The following TBX21 variants were observed in gnomAD, a reference collection of about 807,000 sequenced individuals.
The protein encoded by TBX21 is T-box transcription factor TBX21.
TBX21 carries 11 observed loss-of-function variants against 52.2 expected under a neutral mutation model. The observed-to-expected ratio is 0.21, with a 90% CI of 0.13 to 0.35. TBX21 has a LOEUF of 0.35. TBX21 is among the 10% of genes least tolerant of loss of function. The pLI is 1.00. For synonymous variants in TBX21, 300 were observed against 316.1 expected (o/e 0.95, Z 0.54); for missense variants, 625 against 755.1 (o/e 0.83, Z 2.02).
intron 1 of TBX21, among the ~76,000 whole-genome samples, chr17:47,738,163 AT>A (rs1182065725): frequency 6.6e-6 from 1 of 151,708 alleles, no homozygotes; most frequent in Non-Finnish European, 1.5e-5. Flanking sequence ...TTAATTAAAA[AT>A]TTTTTTTAAA....
intron 1 of TBX21, among the ~76,000 whole-genome samples, chr17:47,734,856 T>C (rs1388964702): frequency 6.6e-6 from 1 of 151,912 alleles, no homozygotes; most frequent in Non-Finnish European, 1.5e-5. Flanking sequence ...GCTTCATGGC[T>C]CAGGGTTCCT....
chr17:47,734,086 G>C (rs1325273551), intron 1 of TBX21, 141 bp downstream of exon 1: 4 of 1,414,462 alleles, frequency 2.8e-6, no homozygotes, highest in Non-Finnish European at 3.9e-6. Context: ...AGGGGAATGG[G>C]GTTGTTAGGA....
At position 47,738,537 on chromosome 17, in the gene TBX21, C is replaced by T. The variant is rs575308939; in HGVS notation, c.492-4073C>T. Among the ~76,000 whole-genome samples, 4 of 152,222 alleles carry T rather than the reference C, an allele frequency of 2.6e-5. No individual in the cohort carries two copies. The East Asian group carries it at 5.8e-4, about 22-fold the overall frequency. ...CCTCCCAAAAGGTGCTACCAATTTA[C>T]GCCCACACCAATAGTCTATGAGAGG... is the stretch of plus-strand genomic sequence containing the variant. On this transcript the variant is annotated intron_variant, in intron 1 of 5. Transcript: ENST00000177694.
At position 47,745,418 on chromosome 17, in the gene TBX21, C is replaced by A. The variant is rs1233224536; in HGVS notation, c.*52C>A. On this transcript the variant is annotated 3_prime_UTR_variant, in exon 6 of 6. Transcript: ENST00000177694. ...AACAGTGTTATTAGGTTGGAGGACA[C>A]CGACTAATTTGGGAAACGGATGAAG... 4.6e-6 allele frequency: 7 copies of A among 1,525,382 alleles called. No homozygotes were observed. The highest frequency in any genetic ancestry group is 1.8e-4 in the Middle Eastern group (1 of 5,656). The allele number at this position is 1,525,382 out of a possible 1,614,324, so 94.5% of individuals were successfully genotyped here.
chr17:47,733,560 T>C lies in TBX21; in HGVS notation c.106T>C (p.Phe36Leu). Residue 36 changes from phenylalanine (F) to leucine (L), a missense_variant, in exon 1 of 6, where the codon TTC becomes CTC. This residue lies in a region of TBX21 where 221 missense variants were observed against 204.9 expected (regional missense o/e 1.08). Coordinates refer to ENST00000177694, the MANE Select transcript of TBX21 (RefSeq NM_013351.2). The surrounding 1 kb of genome is among the most constrained non-coding windows in gnomAD (Gnocchi z 6.6). ...TGGCGCCGACCCGCAGCACCGCTAC[T>C]TCTACCCGGAGCCGGGCGCGCAGGA... The part of the protein sequence containing the change: ...APGADPQHRY[F>L]YPEPGAQDAD... 1.4e-6 allele frequency: 2 copies of C among 1,480,670 alleles called. No individual in the cohort carries two copies. Among genetic ancestry groups the C allele is most frequent in the Admixed American group, 2.4e-5 (1 of 41,838 alleles). The allele number at this position is 1,480,670 out of a possible 1,614,324, so 91.7% of individuals were successfully genotyped here.
rs750169915 is a variant in TBX21 at position 47,742,503 on chromosome 17, G to A, written c.492-107G>A. ...CCTTCCAGCTGGTTCTTGTGAGTGGGAGGAAGCCGGCTACAGCACACCACT... is the reference window on the plus strand; with the variant it reads ...CCTTCCAGCTGGTTCTTGTGAGTGGAAGGAAGCCGGCTACAGCACACCACT... On this transcript the variant is annotated intron_variant, in intron 1 of 5. Transcript: ENST00000177694. The surrounding 1 kb of genome is among the most constrained non-coding windows in gnomAD (Gnocchi z 4.4). 25 of 1,352,528 alleles carry A rather than the reference G, an allele frequency of 1.8e-5. No homozygotes were observed. Among genetic ancestry groups the A allele is most frequent in the Non-Finnish European group, 2.4e-5 (24 of 1,016,820 alleles). 83.8% of individuals were successfully genotyped at this position (1,352,528 alleles called of 1,614,324 possible). A position where few individuals can be genotyped will look rare whatever the true frequency, so the allele number is the denominator to read the frequency against.
intron 3 of TBX21, 56 bp from the exon 4 acceptor site, chr17:47,744,139 T>G: frequency 6.3e-7 from 1 of 1,588,920 alleles, no homozygotes; most frequent in East Asian, 2.2e-5. Flanking sequence ...GTGGGGGTGA[T>G]GGGATCCTCG....
At position 47,744,555 on chromosome 17, in the gene TBX21, T is replaced by C; in HGVS notation, c.989+12T>C. On this transcript the variant is annotated intron_variant, in intron 5 of 5. Coordinates refer to ENST00000177694, the MANE Select transcript of TBX21 (RefSeq NM_013351.2). The stretch of plus-strand genomic sequence containing the variant: ...GAGAACTTTGAGTCGTAAGTGCCAC[T>C]GGGTTCAACTCAGCTTTGGTCCCTC... 6.2e-7 allele frequency: 1 copy of C among 1,614,188 alleles called. No individual in the cohort carries two copies. Among genetic ancestry groups the C allele is most frequent in the Non-Finnish European group, 8.5e-7 (1 of 1,180,016 alleles).
intron 1 of TBX21, among the ~76,000 whole-genome samples, chr17:47,738,947 A>G (rs1333398517): frequency 6.6e-6 from 1 of 152,184 alleles, no homozygotes; most frequent in Admixed American, 6.5e-5. Flanking sequence ...GAGAAGAACT[A>G]TCTATCTCCT....
chr17:47,743,147 A>G lies in TBX21; in HGVS notation c.723A>G (p.Lys241=), dbSNP rs2032285855. ...TGCGCCAGGAAGTTTCATTTGGGAA[A>G]CTAAAGCTCACAAACAACAAGGGGG... ...HWMRQEVSFG[K]LKLTNNKGAS... The change falls in exon 3 of 6, where the codon AAA becomes AAG. Residue 241 remains lysine (K), a synonymous_variant. Transcript: ENST00000177694. 1.9e-6 allele frequency: 3 copies of G among 1,614,148 alleles called. No homozygotes were observed. In the East Asian group the frequency reaches 6.7e-5, roughly 36 times the overall value.
chr17:47,745,587 C>G lies in TBX21; in HGVS notation c.*221C>G, dbSNP rs2032325188. The G allele has an allele frequency of 1.8e-6, 1 of 541,412 alleles. No individual in the cohort carries two copies. Among genetic ancestry groups the G allele is most frequent in the Admixed American group, 3.7e-5 (1 of 26,940 alleles). The allele number at this position is 541,412 out of a possible 1,614,324, so 33.5% of individuals were successfully genotyped here. A position where few individuals can be genotyped will look rare whatever the true frequency, so the allele number is the denominator to read the frequency against. ...GAGGGGTGTCCCCTTGCCCCATCCT[C>G]TGCCCTAACTACAGTCGTTTACCTG... On this transcript the variant is annotated 3_prime_UTR_variant, in exon 6 of 6. Transcript: ENST00000177694.
At chr17:47,735,122 C>T (rs8081095) in intron 1 of TBX21, among the ~76,000 whole-genome samples, 9 of 151,742 alleles carry the variant, frequency 5.9e-5, no homozygotes, top group East Asian at 1.9e-4. Context: ...GTCCCAGGTC[C>T]GAGAGGTGTG....
rs774866145 is a variant in TBX21 at position 47,745,091 on chromosome 17, G to T, written c.1333G>T (p.Ala445Ser). 23 of 1,613,622 alleles carry T rather than the reference G, an allele frequency of 1.4e-5. No homozygotes were observed. The African/African-American group carries it at 2.5e-4, about 18-fold the overall frequency. ...CCAGTACCCTCCCAAGATGGGCCCG[G>T]CCAGCTGGTTCCGCCCTATGCGGAC... The part of the protein sequence containing the change: ...APQYPPKMGP[A>S]SWFRPMRTLP... Residue 445 changes from alanine (A) to serine (S), a missense_variant, in exon 6 of 6, where the codon GCC (alanine) becomes TCC (serine). Coordinates refer to ENST00000177694, the MANE Select transcript of TBX21 (RefSeq NM_013351.2).
intron 1 of TBX21, among the ~76,000 whole-genome samples, chr17:47,737,988 G>T (rs944350958): frequency 4.0e-5 from 6 of 151,840 alleles, no homozygotes; most frequent in African/African-American, 1.5e-4. Flanking sequence ...ATATTACTGT[G>T]TTGCCCAGGC....
Position 47,744,859 on chromosome 17 carries a change from C to T in TBX21, c.1101C>T (p.Ser367=), listed in dbSNP as rs2032310444. The change falls in exon 6 of 6, where the codon AGC becomes AGT. Residue 367 remains serine (S), a synonymous_variant. Transcript: ENST00000177694. ...PLLPNQYPVP[S]RFYPDLPGQA... Reference sequence around the variant, plus strand: ...TACCCAACCAGTATCCTGTTCCCAGCCGCTTCTACCCCGACCTTCCTGGCC... The same window carrying T: ...TACCCAACCAGTATCCTGTTCCCAGTCGCTTCTACCCCGACCTTCCTGGCC... 2 of 1,614,118 alleles carry T rather than the reference C, an allele frequency of 1.2e-6. No individual in the cohort carries two copies. The highest frequency in any genetic ancestry group is 2.7e-5 in the African/African-American group (2 of 74,936).
chr17:47,744,909 C>T lies in TBX21; in HGVS notation c.1151C>T (p.Ala384Val). The T allele has an allele frequency of 6.2e-7, 1 of 1,614,204 alleles. No individual in the cohort carries two copies. The change falls in exon 6 of 6, where the codon GCT (alanine) becomes GTT (valine). Residue 384 changes from alanine to valine, a missense_variant. Ala to Val is a moderately conservative substitution (Grantham distance 64, BLOSUM62 0). Around this residue, in one of 4 missense-constraint regions of TBX21, gnomAD observed 261 missense variants for 275.1 expected, o/e 0.95. Coordinates refer to ENST00000177694, the MANE Select transcript of TBX21 (RefSeq NM_013351.2). ...PGQAKDVVPQ[A>V]YWLGAPRDHS... Reference sequence around the variant, plus strand: ...CAGGCGAAGGATGTGGTTCCCCAGGCTTACTGGCTGGGGGCCCCCCGGGAC... The same window carrying T: ...CAGGCGAAGGATGTGGTTCCCCAGGTTTACTGGCTGGGGGCCCCCCGGGAC...
Position 47,733,366 on chromosome 17 carries a change from T to A in TBX21, c.-89T>A. On this transcript the variant is annotated 5_prime_UTR_variant, in exon 1 of 6. Coordinates refer to ENST00000177694, the MANE Select transcript of TBX21 (RefSeq NM_013351.2). The surrounding 1 kb of genome is among the most constrained non-coding windows in gnomAD (Gnocchi z 6.6). ...CCCGGCCCTCGGGTCCCCCGCCCCC[T>A]GCTCCCTGCCCATCCCAGCCCACGC... The A allele has an allele frequency of 1.5e-6, 2 of 1,345,762 alleles. No homozygotes were observed. The highest frequency in any genetic ancestry group is 1.9e-6 in the Non-Finnish European group (2 of 1,050,308). 83.4% of individuals were successfully genotyped at this position (1,345,762 alleles called of 1,614,324 possible).
At chr17:47,737,941 A>T (rs775977408) in intron 1 of TBX21, among the ~76,000 whole-genome samples, 186 of 152,020 alleles carry the variant, frequency 1.2e-3, no homozygotes, top group Non-Finnish European at 2.3e-3. Flanking sequence ...TTCAGATCTT[A>T]AAAAATTTTT....
chr17:47,737,718 C>G (rs935139500), intron 1 of TBX21, among the ~76,000 whole-genome samples: 18 of 151,894 alleles, frequency 1.2e-4, no homozygotes, highest in African/African-American at 4.4e-4. Context: ...CTGCACCTCC[C>G]AGGTTCAAGT....
Sources: gnomAD v4.1 joint callset for allele counts (sites outside exome capture counted in the v4.1 genomes callset) on GRCh38, gnomAD v4.1.1 for gene constraint, gnomAD v4.1.1 regional missense constraint, Gnocchi (gnomAD v3.1) non-coding constraint, MANE v1.5 for transcripts, NCBI Gene and HGNC (gene_info 2026-07-23, HGNC 2026-07-21) for gene names.